Variants in CHODL observed in about 807,000 individuals in gnomAD.
CHODL encodes the protein transmembrane protein MT75.
In CHODL, 29 loss-of-function variants were observed where a neutral mutation model predicts 34.5. The observed-to-expected ratio is 0.84, with a 90% CI of 0.63 to 1.15. CHODL has a LOEUF of 1.15. Among genes scored for constraint, CHODL ranks in the 50% most tolerant of loss-of-function variants. CHODL has a pLI of 0.00. For synonymous variants in CHODL, 125 were observed against 116.1 expected, an observed-to-expected ratio of 1.08 and a Z score of -0.49; for missense variants, 332 against 332.5, an observed-to-expected ratio of 1.00 and a Z score of 0.01.
intron 1 of CHODL, among the ~76,000 whole-genome samples, chr21:17,971,239 G>A (rs573193541): frequency 5.9e-5 from 9 of 152,144 alleles, no homozygotes; most frequent in Admixed American, 1.3e-4. Context: ...AATCCTTTGC[G>A]TGTATACCCA....
chr21:18,007,977 T>TA (rs1303807432), intron 1 of CHODL, among the ~76,000 whole-genome samples: 1 of 152,170 alleles, frequency 6.6e-6, no homozygotes, highest in African/African-American at 2.4e-5. Flanking sequence ...TGCATAAATC[T>TA]ATGATTATAC....
chr21:18,152,026 T>TTGTGTG (rs2072976675), intron 2 of CHODL, among the ~76,000 whole-genome samples: 1 of 108,052 alleles, frequency 9.3e-6, no homozygotes, highest in Admixed American at 9.2e-5. Flanking sequence ...GTGTGTGTGT[T>TTGTGTG]TGTGTGTGTG....
At chr21:18,241,945 G>A (rs1220288986), upstream of CHODL, among the ~76,000 whole-genome samples, 1 of 151,694 alleles carries the variant, frequency 6.6e-6, no homozygotes, top group East Asian at 1.9e-4. Flanking sequence ...TTTAGGTGTT[G>A]AATAGATGCT....
intron 1 of CHODL, among the ~76,000 whole-genome samples, chr21:17,938,121 T>A (rs1346907641): frequency 6.6e-6 from 1 of 152,210 alleles, no homozygotes; most frequent in African/African-American, 2.4e-5. Flanking sequence ...AGTTCCCCAC[T>A]GCTGGGGCTG....
At chr21:18,065,171 TCA>T (rs955779108) in intron 2 of CHODL, among the ~76,000 whole-genome samples, 15 of 152,270 alleles carry the variant, frequency 9.9e-5, no homozygotes, top group African/African-American at 3.4e-4. Flanking sequence ...ACAAATGTAC[TCA>T]CACACACAGA....
At chr21:18,236,284 A>G (rs929695518) in intron 2 of CHODL, among the ~76,000 whole-genome samples, 60 of 152,230 alleles carry the variant, frequency 3.9e-4, no homozygotes, top group African/African-American at 1.3e-3. Flanking sequence ...GACTAGCATA[A>G]GGGAAAACCG....
chr21:17,946,189 G>C (rs536135513), intron 1 of CHODL, among the ~76,000 whole-genome samples: 2 of 152,176 alleles, frequency 1.3e-5, no homozygotes, highest in East Asian at 3.9e-4. Flanking sequence ...AGGCCAAGGC[G>C]GGCGGATCAC....
At chr21:18,085,185 A>T in intron 2 of CHODL, among the ~76,000 whole-genome samples, 1 of 151,802 alleles carries the variant, frequency 6.6e-6, no homozygotes, top group East Asian at 1.9e-4. Context: ...TTTACAGGTA[A>T]GGTAAATTTC....
chr21:18,095,637 T>C (rs1185681105), intron 2 of CHODL, among the ~76,000 whole-genome samples: 1 of 152,120 alleles, frequency 6.6e-6, no homozygotes, highest in Non-Finnish European at 1.5e-5. Flanking sequence ...AGAGGGAGTA[T>C]TTCCAAACTC....
intron 2 of CHODL, among the ~76,000 whole-genome samples, chr21:18,180,625 G>A (rs912155720): frequency 6.6e-6 from 1 of 152,208 alleles, no homozygotes; most frequent in Non-Finnish European, 1.5e-5. Flanking sequence ...TGCCAATGTG[G>A]ATGAGGCATT....
intron 2 of CHODL, among the ~76,000 whole-genome samples, chr21:18,180,357 A>T (rs1179523798): frequency 6.6e-6 from 1 of 152,068 alleles, no homozygotes; most frequent in African/African-American, 2.4e-5. Context: ...GTTGCCCAGG[A>T]TGGACTCAAA....
At chr21:18,254,555 G>C (rs1037695842) in intron 1 of CHODL, among the ~76,000 whole-genome samples, 6 of 152,116 alleles carry the variant, frequency 3.9e-5, no homozygotes, top group African/African-American at 1.4e-4. Context: ...AAGACAGAAT[G>C]ACCATTCTGG....
intron 1 of CHODL, among the ~76,000 whole-genome samples, chr21:17,982,860 A>G (rs1348407442): frequency 6.6e-6 from 1 of 150,992 alleles, no homozygotes; most frequent in East Asian, 1.9e-4. Flanking sequence ...ACAGCCATGA[A>G]CCACCCACTC....
intron 2 of CHODL, among the ~76,000 whole-genome samples, chr21:18,156,804 C>G (rs1454389730): frequency 1.3e-5 from 2 of 152,158 alleles, no homozygotes; most frequent in African/African-American, 4.8e-5. Context: ...GGGCATGGCT[C>G]TTCTCTGCTC....
chr21:17,963,783 C>T (rs2063551250), intron 1 of CHODL, among the ~76,000 whole-genome samples: 2 of 151,704 alleles, frequency 1.3e-5, no homozygotes, highest in African/African-American at 4.8e-5. Flanking sequence ...TCTCTATTAT[C>T]TAGCTGAAGG....
At chr21:18,016,637 C>A (rs2064077037) in intron 1 of CHODL, among the ~76,000 whole-genome samples, 1 of 152,220 alleles carries the variant, frequency 6.6e-6, no homozygotes. Flanking sequence ...AGAGTTTTCA[C>A]TGGGACACTG....
At chr21:18,058,788 T>C (rs1296145929) in intron 2 of CHODL, among the ~76,000 whole-genome samples, 1 of 152,176 alleles carries the variant, frequency 6.6e-6, no homozygotes, top group Non-Finnish European at 1.5e-5. Context: ...ATGGTTTTCA[T>C]TATACCTGCT....
At chr21:18,090,733 A>G (rs1468220868) in intron 2 of CHODL, among the ~76,000 whole-genome samples, 1 of 57,372 alleles carries the variant, frequency 1.7e-5, no homozygotes, top group East Asian at 2.1e-4. Flanking sequence ...CCAGAAAAAA[A>G]AAAAAAAAAA....
At position 18,239,353 on chromosome 21, in the gene CHODL, G is replaced by A. The variant is rs112732893; in HGVS notation, c.-44-17156G>A. Among the ~76,000 whole-genome samples, 1,016 of 152,016 alleles carry A rather than the reference G, an allele frequency of 6.7e-3. 9 individuals carry two copies. Among genetic ancestry groups the A allele is most frequent in the African/African-American group, 0.023 (962 of 41,480 alleles). Reference sequence around the variant, plus strand: ...TGTATTTGGCATGTGAGCTACTTACGCTTAGAAACGATGTATGAAAGAGCA... The same window carrying A: ...TGTATTTGGCATGTGAGCTACTTACACTTAGAAACGATGTATGAAAGAGCA... On this transcript the variant is annotated intron_variant, in intron 2 of 6. Transcript: ENST00000400127.
Sources: allele counts gnomAD v4.1 joint callset (sites outside exome capture counted in the v4.1 genomes callset), GRCh38; gene constraint gnomAD v4.1.1; transcripts MANE v1.5; gene names NCBI Gene and HGNC (gene_info 2026-07-23, HGNC 2026-07-21).